The following UBA52 variants were observed in gnomAD, a reference collection of about 807,000 sequenced individuals.
UBA52 encodes the protein ubiquitin A-52 residue ribosomal protein fusion product 1.
Under a neutral mutation model 15.3 loss-of-function variants are expected in UBA52, and 1 was observed. The ratio of observed to expected loss-of-function variants is 0.07; its 90% CI spans 0.02 to 0.31. UBA52 has a LOEUF of 0.31. Among genes scored for constraint, UBA52 ranks in the 10% least tolerant of loss-of-function variants. The probability of loss-of-function intolerance (pLI) is 1.00; values close to 1 mark genes in which losing one functional copy is unlikely to be tolerated. For missense variants in UBA52, 87 were observed against 168.0 expected (o/e 0.52, Z 2.66); for synonymous variants, 50 against 58.3 (o/e 0.86, Z 0.65).
At position 18,575,736 on chromosome 19, in the gene UBA52, T is replaced by G. The variant is rs760159207; in HGVS notation, c.*586T>G. 38 of 159,508 alleles carry G rather than the reference T, an allele frequency of 2.4e-4. No individual in the cohort carries two copies. Among genetic ancestry groups the G allele is most frequent in the Non-Finnish European group, 4.0e-4 (29 of 73,240 alleles). The allele number at this position is 159,508 out of a possible 1,614,324, so 9.9% of individuals were successfully genotyped here. ...GCCATGCCTGACCCAGTTCTCAGTT[T>G]TTTGTTTGTTTGTTTGTTTGTTTGT... On this transcript the variant is annotated 3_prime_UTR_variant, in exon 5 of 5. Coordinates refer to ENST00000442744, the MANE Select transcript of UBA52 (RefSeq NM_001033930.3).
Position 18,576,998 on chromosome 19 carries a change from T to TTTTTA in UBA52, c.*1848_*1849insTTTTA, listed in dbSNP as rs1235449754. On this transcript the variant is annotated 3_prime_UTR_variant, in exon 5 of 5. Coordinates refer to ENST00000442744, the MANE Select transcript of UBA52 (RefSeq NM_001033930.3). ...ACATTTTTTTTTTTTTTTTTTTTTTTACAGACATGGTCTCGCTATGTTGCC... is the reference window on the plus strand; with the variant it reads ...ACATTTTTTTTTTTTTTTTTTTTTTTTTTTAACAGACATGGTCTCGCTATGTTGCC... 1 of 148,884 alleles carries TTTTTA rather than the reference T, an allele frequency of 6.7e-6. No individual in the cohort carries two copies. Among genetic ancestry groups the TTTTTA allele is most frequent in the Non-Finnish European group, 1.5e-5 (1 of 67,578 alleles). The allele number at this position is 148,884 out of a possible 1,614,324, so 9.2% of individuals were successfully genotyped here.
At chr19:18,567,531 G>A (rs919842131), upstream of UBA52, among the ~76,000 whole-genome samples, 2 of 152,314 alleles carry the variant, frequency 1.3e-5, no homozygotes, top group East Asian at 1.9e-4. Context: ...CCCCAGCTTC[G>A]AGGATCTGTC....
the UBA52 span, among the ~76,000 whole-genome samples, chr19:18,566,408 A>T: frequency 1.3e-5 from 1 of 76,862 alleles, no homozygotes; most frequent in South Asian, 3.6e-4. Flanking sequence ...GTGAGCCGAG[A>T]TCGCGCCACT....
upstream of UBA52, among the ~76,000 whole-genome samples, chr19:18,571,479 G>A (rs1279284817): frequency 1.3e-5 from 2 of 152,212 alleles, no homozygotes; most frequent in Non-Finnish European, 2.9e-5. Flanking sequence ...GGTGTTAGGT[G>A]CTTTCCCAGC....
At chr19:18,565,081 C>T in the UBA52 span, 15 of 1,583,486 alleles carry the variant, frequency 9.5e-6, no homozygotes, top group Non-Finnish European at 1.2e-5. Context: ...CCATCTGAGC[C>T]TCAGTTTCCT....
chr19:18,567,392 G>C (rs959171494), upstream of UBA52: 10 of 653,234 alleles, frequency 1.5e-5, 1 homozygote, highest in Middle Eastern at 5.0e-4. Context: ...GTGCCCCGTG[G>C]GGAGGCCGCA....
At chr19:18,566,772 G>A (rs1357274176), upstream of UBA52, among the ~76,000 whole-genome samples, 2 of 151,002 alleles carry the variant, frequency 1.3e-5, no homozygotes, top group African/African-American at 2.4e-5. Context: ...CACCCTGGGC[G>A]ACAGAGTGAG....
upstream of UBA52, chr19:18,567,064 G>C (rs1439842259): frequency 6.7e-7 from 1 of 1,492,834 alleles, no homozygotes; most frequent in Admixed American, 1.8e-5. Flanking sequence ...GCAGGGGCTT[G>C]TGGCCAGCAC....
At chr19:18,569,560 C>T (rs1335221796), upstream of UBA52, among the ~76,000 whole-genome samples, 1 of 151,812 alleles carries the variant, frequency 6.6e-6, no homozygotes, top group Non-Finnish European at 1.5e-5. Context: ...AACCCAAGTT[C>T]CCGTCACCAG....
At chr19:18,567,072 C>T, upstream of UBA52, 1 of 1,546,038 alleles carries the variant, frequency 6.5e-7, no homozygotes, top group East Asian at 2.3e-5. Flanking sequence ...TTGTGGCCAG[C>T]ACCAGGCCCA....
At position 18,575,252 on chromosome 19, in the gene UBA52, C is replaced by T; in HGVS notation, c.*102C>T. ...TGACTGGAGCAGCAATTGGTGTCCTCATGGCTGATCTGTCCAGGGAGGTGG... is the reference window on the plus strand; with the variant it reads ...TGACTGGAGCAGCAATTGGTGTCCTTATGGCTGATCTGTCCAGGGAGGTGG... On this transcript the variant is annotated 3_prime_UTR_variant, in exon 5 of 5. Transcript: ENST00000442744. 1 of 1,387,652 alleles carries T rather than the reference C, an allele frequency of 7.2e-7. No homozygotes were observed. Among genetic ancestry groups the T allele is most frequent in the Non-Finnish European group, 1.0e-6 (1 of 999,550 alleles). 86.0% of individuals were successfully genotyped at this position (1,387,652 alleles called of 1,614,324 possible). A position where few individuals can be genotyped will look rare whatever the true frequency, so the allele number is the denominator to read the frequency against.
chr19:18,565,412 G>A, the UBA52 span, among the ~76,000 whole-genome samples: 1 of 152,016 alleles, frequency 6.6e-6, no homozygotes, highest in African/African-American at 2.4e-5. Flanking sequence ...TGTATTTTTA[G>A]TGGAGATGGG....
chr19:18,565,495 G>A, the UBA52 span, among the ~76,000 whole-genome samples: 1 of 152,118 alleles, frequency 6.6e-6, no homozygotes, highest in East Asian at 1.9e-4. Flanking sequence ...GCCTCCCAAA[G>A]TGCTGGGATT....
upstream of UBA52, chr19:18,567,100 G>A (rs1330480792): frequency 6.2e-7 from 1 of 1,612,224 alleles, no homozygotes; most frequent in African/African-American, 1.3e-5. Flanking sequence ...TGCTCAGCAG[G>A]TTAAGCCCTG....
chr19:18,564,778 G>T, the UBA52 span: 1 of 1,438,272 alleles, frequency 7.0e-7, no homozygotes, highest in South Asian at 1.2e-5. Flanking sequence ...TTGTGAAGCA[G>T]GCAAGGGCTT....
intron 1 of UBA52, chr19:18,572,917 G>A (rs1975575046): frequency 9.1e-7 from 1 of 1,098,858 alleles, no homozygotes; most frequent in Non-Finnish European, 1.1e-6. Flanking sequence ...AAGAGGGTGG[G>A]ACCGCCTTCA....
At chr19:18,567,383 T>C (rs1168646252), upstream of UBA52, 2 of 650,722 alleles carry the variant, frequency 3.1e-6, no homozygotes, top group Non-Finnish European at 5.6e-6. Context: ...CGGGAGTCCG[T>C]GCCCCGTGGG....
the UBA52 span, chr19:18,565,090 C>T: frequency 3.2e-6 from 5 of 1,579,594 alleles, no homozygotes; most frequent in Non-Finnish European, 4.3e-6. Context: ...CCTCAGTTTC[C>T]TTCACATACC....
the UBA52 span, chr19:18,565,005 A>G: frequency 3.7e-6 from 6 of 1,604,178 alleles, no homozygotes; most frequent in Admixed American, 8.4e-5. Flanking sequence ...CCTGGACAGC[A>G]TCTTCCGCCG....
Sources: allele counts gnomAD v4.1 joint callset (sites outside exome capture counted in the v4.1 genomes callset), GRCh38; gene constraint gnomAD v4.1.1; transcripts MANE v1.5; gene names NCBI Gene and HGNC (gene_info 2026-07-23, HGNC 2026-07-21).